Variants in RBL1 observed in about 807,000 individuals in gnomAD.
RBL1 encodes RB transcriptional corepressor like 1.
RBL1 carries 82 observed loss-of-function variants against 123.0 expected under a neutral mutation model. The observed-to-expected ratio is 0.67, with a 90% confidence interval of 0.56 to 0.80. The LOEUF (loss-of-function observed/expected upper bound fraction) is 0.80, where lower values mean the gene tolerates loss of function less well. Among genes scored for constraint, RBL1 ranks in the 30% least tolerant of loss-of-function variants. RBL1 has a pLI of 0.00. For missense variants in RBL1, 1,171 were observed against 1,299.6 expected, an observed-to-expected ratio of 0.90 and a Z score of 1.52; for synonymous variants, 405 against 441.3, an observed-to-expected ratio of 0.92 and a Z score of 1.03.
chr20:37,022,679 G>C lies in RBL1; in HGVS notation c.2530C>G (p.Leu844Val). ...GCCATGATATAAAAGGCACAAAGGA[G>C]GAGCTGATCCAAATGCCTGTCTTTC... ...LMKDRHLDQLLLCAFYIMAKV... is the reference protein window; with the variant it reads ...LMKDRHLDQLVLCAFYIMAKV... Residue 844 changes from leucine to valine, a missense_variant, in exon 17 of 22, where the codon CTC becomes GTC. Coordinates refer to ENST00000373664, the MANE Select transcript of RBL1 (RefSeq NM_002895.5). The C allele has an allele frequency of 6.2e-6, 10 of 1,612,560 alleles. No individual in the cohort carries two copies. Among genetic ancestry groups the C allele is most frequent in the Non-Finnish European group, 8.5e-6 (10 of 1,179,246 alleles).
rs1252850277 is a variant in RBL1, at chr20:37,040,206, A to G, written c.1850T>C (p.Leu617Pro). 1 of 1,614,130 alleles carries G rather than the reference A, an allele frequency of 6.2e-7. No individual in the cohort carries two copies. Residue 617 changes from leucine to proline, a missense_variant, in exon 14 of 22, where the codon CTA becomes CCA. By Grantham distance (98) the Leu-to-Pro change is moderately conservative. Coordinates refer to ENST00000373664, the MANE Select transcript of RBL1 (RefSeq NM_002895.5). ...AACTTCCTTGACTCTTGGGTGCATT[A>G]GAGGAGACATTGGCATCAGGGGAAG... Reference protein sequence around the residue: ...GHLPLMPMSPLMHPRVKEVRT... With the variant: ...GHLPLMPMSPPMHPRVKEVRT...
chr20:37,095,733 G>A (rs1401399635), intron 1 of RBL1, 40 bp downstream of exon 1: 1 of 1,523,578 alleles, frequency 6.6e-7, no homozygotes, highest in South Asian at 1.3e-5. Flanking sequence ...GTGGGGCCTG[G>A]CGAGGGTAGG....
chr20:37,083,796 T>C (rs2065496401), intron 2 of RBL1, among the ~76,000 whole-genome samples: 1 of 151,590 alleles, frequency 6.6e-6, no homozygotes, highest in Non-Finnish European at 1.5e-5. Context: ...AGAGCAAGAT[T>C]CTAGCTCAAA....
chr20:37,025,207 T>A (rs1476274353), intron 16 of RBL1, among the ~76,000 whole-genome samples: 1 of 147,868 alleles, frequency 6.8e-6, no homozygotes, highest in Non-Finnish European at 1.5e-5. Context: ...CTTCCTGTAA[T>A]AAAGACTATA....
At chr20:37,073,338 T>C (rs573151304) in intron 2 of RBL1, among the ~76,000 whole-genome samples, 3 of 152,222 alleles carry the variant, frequency 2.0e-5, no homozygotes, top group Admixed American at 2.0e-4. Context: ...TAATTACAGT[T>C]TTTAAAACTA....
chr20:37,074,687 C>T lies in RBL1; in HGVS notation c.291-6501G>A, dbSNP rs570266372. 6.5e-4 allele frequency among the ~76,000 whole-genome samples: 99 copies of T among 151,882 alleles called. No homozygotes were observed. In the South Asian group the frequency reaches 0.011, roughly 17 times the overall value. ...AAAAGGTTAAACACAGGGCTGGGAG[C>T]GGTGGTTCACGCCTGTAATCCCAGC... On this transcript the variant is annotated intron_variant, in intron 2 of 21. Transcript: ENST00000373664.
chr20:37,066,935 T>A (rs1443890618), intron 5 of RBL1, 51 bp from the exon 6 acceptor site: 1 of 1,595,792 alleles, frequency 6.3e-7, no homozygotes, highest in Admixed American at 1.8e-5. Context: ...AGTCAACTTT[T>A]AAAAATCTTT....
intron 1 of RBL1, among the ~76,000 whole-genome samples, chr20:37,092,553 T>C (rs1416265965): frequency 3.3e-5 from 5 of 152,104 alleles, no homozygotes; most frequent in Non-Finnish European, 5.9e-5. Flanking sequence ...AGAGATGGGG[T>C]TTCACCATAT....
At chr20:37,063,794 G>A (rs1285946892) in intron 7 of RBL1, among the ~76,000 whole-genome samples, 1 of 151,308 alleles carries the variant, frequency 6.6e-6, no homozygotes, top group African/African-American at 2.4e-5. Flanking sequence ...TTACAGGAGT[G>A]AGCCACCATG....
intron 2 of RBL1, among the ~76,000 whole-genome samples, chr20:37,082,999 C>G (rs940614199): frequency 6.6e-6 from 1 of 151,960 alleles, no homozygotes; most frequent in East Asian, 1.9e-4. Flanking sequence ...AAGACCCTGA[C>G]TCAAATAATA....
intron 18 of RBL1, among the ~76,000 whole-genome samples, chr20:37,019,137 G>A (rs1308893560): frequency 6.6e-6 from 1 of 151,532 alleles, no homozygotes; most frequent in African/African-American, 2.4e-5. Context: ...TTGACCTCCT[G>A]GGCTCAGGCA....
intron 2 of RBL1, among the ~76,000 whole-genome samples, chr20:37,086,728 ATTTGT>A (rs2065552596): frequency 6.6e-6 from 1 of 152,176 alleles, no homozygotes; most frequent in Non-Finnish European, 1.5e-5. Flanking sequence ...GGATAGCTAA[ATTTGT>A]TTTGTTTCCT....
intron 20 of RBL1, among the ~76,000 whole-genome samples, chr20:37,004,301 C>T (rs1024571245): frequency 2.0e-5 from 3 of 150,328 alleles, no homozygotes; most frequent in African/African-American, 4.9e-5. Context: ...AGGCTGGTCT[C>T]GAACTCCTGA....
chr20:37,046,916 A>C lies in RBL1; in HGVS notation c.1605+137T>G, dbSNP rs943425843. Reference sequence around the variant, plus strand: ...GCGTGAGCCACCATGCCTAGCCAGGAATATATATTTTCAGAACACATCTGG... The same window carrying C: ...GCGTGAGCCACCATGCCTAGCCAGGCATATATATTTTCAGAACACATCTGG... On this transcript the variant is annotated intron_variant, in intron 12 of 21. Coordinates refer to ENST00000373664, the MANE Select transcript of RBL1 (RefSeq NM_002895.5). The C allele has an allele frequency of 3.1e-6, 4 of 1,285,960 alleles. No homozygotes were observed. The Admixed American group carries it at 1.6e-4, about 52-fold the overall frequency. The allele number at this position is 1,285,960 out of a possible 1,614,324, so 79.7% of individuals were successfully genotyped here. A position where few individuals can be genotyped will look rare whatever the true frequency, so the allele number is the denominator to read the frequency against.
chr20:37,045,997 G>T (rs2064813191), intron 12 of RBL1, among the ~76,000 whole-genome samples: 1 of 152,178 alleles, frequency 6.6e-6, no homozygotes, highest in Non-Finnish European at 1.5e-5. Flanking sequence ...TATTGACTGT[G>T]ATGACTAAAC....
chr20:37,059,564 C>T (rs2065062404), intron 9 of RBL1, among the ~76,000 whole-genome samples: 3 of 152,118 alleles, frequency 2.0e-5, no homozygotes, highest in Admixed American at 2.0e-4. Context: ...TGCCTACTCC[C>T]CCATTTGTTT....
chr20:37,000,894 G>A (rs1449591704), intron 21 of RBL1, among the ~76,000 whole-genome samples: 6 of 138,900 alleles, frequency 4.3e-5, no homozygotes, highest in Non-Finnish European at 9.4e-5. Flanking sequence ...CCAGGAGGGA[G>A]GTGGGGGGGT....
In RBL1 at chr20:37,044,193, G is replaced by A. The variant is rs1181451791; in HGVS notation, c.1663C>T (p.Leu555=). 2.5e-6 allele frequency: 4 copies of A among 1,613,712 alleles called. No individual in the cohort carries two copies. The highest frequency in any genetic ancestry group is 3.3e-5 in the Admixed American group (2 of 59,942). The change falls in exon 13 of 22, where the codon CTA becomes TTA. Residue 555 remains leucine, a synonymous_variant. Coordinates refer to ENST00000373664, the MANE Select transcript of RBL1 (RefSeq NM_002895.5). ...AAAATCTGTTCTTCAATGCTGTTTA[G>A]GTGTTTCACCATGTCCCTTGAGAGC... ...EGLSRDMVKH[L]NSIEEQILES...
At position 37,050,286 on chromosome 20, in the gene RBL1, G is replaced by A. The variant is rs932806273; in HGVS notation, c.1468-3096C>T. Among the ~76,000 whole-genome samples, 9 of 152,158 alleles carry A rather than the reference G, an allele frequency of 5.9e-5. No individual in the cohort carries two copies. The South Asian group carries it at 1.9e-3, about 31-fold the overall frequency. On this transcript the variant is annotated intron_variant, in intron 11 of 21. Transcript: ENST00000373664. Reference sequence around the variant, plus strand: ...AGGCCGGGCGCAGTGGCTCACGCCTGTAATCCCAGCACTTTGGGAGGCCGA... The same window carrying A: ...AGGCCGGGCGCAGTGGCTCACGCCTATAATCCCAGCACTTTGGGAGGCCGA...
Sources: gnomAD v4.1 joint callset for allele counts (sites outside exome capture counted in the v4.1 genomes callset) on GRCh38, gnomAD v4.1.1 for gene constraint, MANE v1.5 for transcripts, NCBI Gene and HGNC (gene_info 2026-07-23, HGNC 2026-07-21) for gene names.